The following LNX2 variants were observed in gnomAD, a reference collection of about 807,000 sequenced individuals.
LNX2 encodes ligand of numb-protein X 2.
LNX2 carries 35 observed loss-of-function variants against 66.2 expected under a neutral mutation model. The observed-to-expected ratio is 0.53, with a 90% confidence interval of 0.40 to 0.70. LNX2 has a LOEUF of 0.70. Among genes scored for constraint, LNX2 ranks in the 30% least tolerant of loss-of-function variants. LNX2 has a pLI of 0.00. For missense variants in LNX2, 791 were observed against 850.8 expected (o/e 0.93, Z 0.87); for synonymous variants, 337 against 315.6 (o/e 1.07, Z -0.72).
chr13:27,606,660 G>A (rs918093981), intron 1 of LNX2, among the ~76,000 whole-genome samples: 4 of 152,118 alleles, frequency 2.6e-5, no homozygotes, highest in Admixed American at 2.6e-4. Context: ...AAATATGCCT[G>A]GAAGGATATA....
At chr13:27,552,515 G>A (rs761048165) in intron 8 of LNX2, among the ~76,000 whole-genome samples, 2 of 152,108 alleles carry the variant, frequency 1.3e-5, no homozygotes, top group African/African-American at 2.4e-5. Context: ...AGGATTCTTA[G>A]GTACGGTAAG....
intron 1 of LNX2, among the ~76,000 whole-genome samples, chr13:27,605,400 A>C (rs1332774242): frequency 6.6e-6 from 1 of 152,228 alleles, no homozygotes; most frequent in African/African-American, 2.4e-5. Flanking sequence ...TTATGAGTCC[A>C]AGAATATGAC....
At position 27,559,900 on chromosome 13, in the gene LNX2, C is replaced by T. The variant is rs1566116756; in HGVS notation, c.1310G>A (p.Ser437Asn). The T allele has an allele frequency of 3.1e-6, 5 of 1,611,232 alleles. No individual in the cohort carries two copies. In the Admixed American group the frequency reaches 8.3e-5, roughly 27 times the overall value. ...TGGTGTGTGGTGCTGGCTGCTGCTG[C>T]TATGATTTCCTGCTTCTCTAATGGT... ...GNTIREAGNHSSSSQHHTPPP... is the reference protein window; with the variant it reads ...GNTIREAGNHNSSSQHHTPPP... Residue 437 changes from serine (S) to asparagine (N), a missense_variant, in exon 6 of 10, where the codon AGC becomes AAC. Coordinates refer to ENST00000316334, the MANE Select transcript of LNX2 (RefSeq NM_153371.4).
rs1566112910 is a variant in LNX2, at chr13:27,548,272, A to G, written c.*63T>C. 3 of 1,543,144 alleles carry G rather than the reference A, an allele frequency of 1.9e-6. No individual in the cohort carries two copies. The highest frequency in any genetic ancestry group is 4.5e-5 in the East Asian group (2 of 44,462). On this transcript the variant is annotated 3_prime_UTR_variant, in exon 10 of 10. Coordinates refer to ENST00000316334, the MANE Select transcript of LNX2 (RefSeq NM_153371.4). ...CCTAAACCACAAACACAATGAAACC[A>G]AAGGGTTTTCTTTCAAAAATCTAAA...
chr13:27,596,391 T>C (rs1165566556), intron 1 of LNX2, among the ~76,000 whole-genome samples: 6 of 152,138 alleles, frequency 3.9e-5, no homozygotes, highest in Admixed American at 2.6e-4. Context: ...TAAATTACAA[T>C]TGTTTACAGA....
chr13:27,611,502 A>T (rs1208558869), intron 1 of LNX2, among the ~76,000 whole-genome samples: 2 of 152,202 alleles, frequency 1.3e-5, no homozygotes, highest in Non-Finnish European at 2.9e-5. Context: ...TAAGATGAAA[A>T]AGTTTTGGAG....
chr13:27,568,878 T>C (rs1364482380), intron 3 of LNX2, 151 bp downstream of exon 3: 3 of 769,048 alleles, frequency 3.9e-6, no homozygotes, highest in Non-Finnish European at 5.8e-6. Context: ...GTGAATGATG[T>C]ATATAAATTA....
intron 6 of LNX2, among the ~76,000 whole-genome samples, chr13:27,556,967 AT>A (rs1211813268): frequency 3.9e-5 from 6 of 152,218 alleles, no homozygotes; most frequent in Non-Finnish European, 7.3e-5. Context: ...CTAAAAGGAT[AT>A]AAAATGACTG....
chr13:27,557,826 G>C (rs1461315509), intron 6 of LNX2, among the ~76,000 whole-genome samples: 1 of 151,962 alleles, frequency 6.6e-6, no homozygotes, highest in African/African-American at 2.4e-5. Context: ...ATGTTTTAAG[G>C]CAATCTCCTA....
At chr13:27,602,123 A>T (rs950415032) in intron 1 of LNX2, among the ~76,000 whole-genome samples, 1 of 152,034 alleles carries the variant, frequency 6.6e-6, no homozygotes, top group Non-Finnish European at 1.5e-5. Context: ...TACAAAAAAA[A>T]TGTGCAAAAC....
intron 1 of LNX2, among the ~76,000 whole-genome samples, chr13:27,619,676 C>A (rs1269277618): frequency 6.6e-6 from 1 of 152,174 alleles, no homozygotes; most frequent in Non-Finnish European, 1.5e-5. Context: ...ATAAACTTAA[C>A]GTAAACTGAA....
chr13:27,605,412 G>A (rs1366993577), intron 1 of LNX2, among the ~76,000 whole-genome samples: 1 of 152,184 alleles, frequency 6.6e-6, no homozygotes, highest in Non-Finnish European at 1.5e-5. Flanking sequence ...GAATATGACT[G>A]TGGCCATTTA....
chr13:27,611,183 T>C (rs188796156), intron 1 of LNX2, among the ~76,000 whole-genome samples: 3 of 152,332 alleles, frequency 2.0e-5, no homozygotes, highest in Admixed American at 6.5e-5. Flanking sequence ...CTATGAGCAA[T>C]AGCCAAGAGG....
chr13:27,620,615 A>C (rs1955893447), upstream of LNX2: 1 of 154,346 alleles, frequency 6.5e-6, no homozygotes, highest in Non-Finnish European at 1.4e-5. Flanking sequence ...GAGCGGCCCA[A>C]CCCGCACCCG....
intron 1 of LNX2, among the ~76,000 whole-genome samples, chr13:27,587,085 G>T (rs1468980019): frequency 6.6e-6 from 1 of 152,060 alleles, no homozygotes; most frequent in African/African-American, 2.4e-5. Context: ...GGTCTTCACT[G>T]GCCCTAACCT....
chr13:27,601,868 A>T lies in LNX2; in HGVS notation c.-101+18507T>A, dbSNP rs192368970. Among the ~76,000 whole-genome samples, 511 of 152,190 alleles carry T rather than the reference A, an allele frequency of 3.4e-3. 3 individuals are homozygous for T. Among genetic ancestry groups the T allele is most frequent in the African/African-American group, 0.012 (494 of 41,508 alleles). The stretch of plus-strand genomic sequence containing the variant: ...TTGCACCTGACCTTCCCAACAATTT[A>T]CTATGAACATTTTCAAACATACTAA... On this transcript the variant is annotated intron_variant, in intron 1 of 9. Coordinates refer to ENST00000316334, the MANE Select transcript of LNX2 (RefSeq NM_153371.4).
intron 6 of LNX2, among the ~76,000 whole-genome samples, chr13:27,558,734 T>C (rs1955093431): frequency 6.6e-6 from 1 of 152,272 alleles, no homozygotes; most frequent in Admixed American, 6.5e-5. Context: ...TCATACATTT[T>C]GGTTTTGCTC....
chr13:27,586,027 C>T (rs935981086), intron 1 of LNX2, among the ~76,000 whole-genome samples: 4 of 147,492 alleles, frequency 2.7e-5, no homozygotes, highest in Admixed American at 6.8e-5. Context: ...TACTTACATA[C>T]ATATATATAC....
In LNX2 at chr13:27,569,012, A is replaced by T; in HGVS notation, c.655+17T>A. On this transcript the variant is annotated intron_variant, in intron 3 of 9. Transcript: ENST00000316334. Reference sequence around the variant, plus strand: ...GGAAATAGAGATGAAATACACAAGGAGTTGCACCACACATACTGTCAGCTC... The same window carrying T: ...GGAAATAGAGATGAAATACACAAGGTGTTGCACCACACATACTGTCAGCTC... 1 of 1,603,334 alleles carries T rather than the reference A, an allele frequency of 6.2e-7. No homozygotes were observed. Among genetic ancestry groups the T allele is most frequent in the Non-Finnish European group, 8.5e-7 (1 of 1,176,298 alleles).
Sources: gnomAD v4.1 joint callset for allele counts (sites outside exome capture counted in the v4.1 genomes callset) on GRCh38, gnomAD v4.1.1 for gene constraint, MANE v1.5 for transcripts, NCBI Gene and HGNC (gene_info 2026-07-23, HGNC 2026-07-21) for gene names.